PCBP3: variants seen among roughly 807,000 people sequenced by gnomAD.
The protein encoded by PCBP3 is poly(rC)-binding protein 3.
Under a neutral mutation model 52.7 loss-of-function variants are expected in PCBP3, and 25 were observed. The observed-to-expected ratio is 0.47, with a 90% CI of 0.35 to 0.66. The LOEUF is 0.66. PCBP3 is among the 30% of genes least tolerant of loss of function. The pLI, the probability that PCBP3 is intolerant of heterozygous loss-of-function variation, is 0.01. For synonymous variants in PCBP3, 162 were observed against 183.0 expected, an observed-to-expected ratio of 0.89 and a Z score of 0.93; for missense variants, 391 against 490.3, an observed-to-expected ratio of 0.80 and a Z score of 1.91.
intron 2 of PCBP3, among the ~76,000 whole-genome samples, chr21:45,674,868 T>A (rs1341063552): frequency 6.6e-6 from 1 of 152,074 alleles, no homozygotes; most frequent in Non-Finnish European, 1.5e-5. Flanking sequence ...GGAACAGGGA[T>A]CCAGCCCCAC....
chr21:45,790,939 TTTTG>T (rs2091501793), intron 4 of PCBP3, among the ~76,000 whole-genome samples: 4 of 151,850 alleles, frequency 2.6e-5, no homozygotes, highest in Admixed American at 2.6e-4. Context: ...AGGAAGCCAG[TTTTG>T]AGAGTGGAAG....
At chr21:45,756,250 G>C (rs1251860211) in intron 4 of PCBP3, among the ~76,000 whole-genome samples, 1 of 152,142 alleles carries the variant, frequency 6.6e-6, no homozygotes, top group Non-Finnish European at 1.5e-5. Context: ...GATCTGTGCT[G>C]GCATCTGTCT....
chr21:45,672,797 G>A (rs1031137124), intron 2 of PCBP3, among the ~76,000 whole-genome samples: 1 of 152,094 alleles, frequency 6.6e-6, no homozygotes, highest in African/African-American at 2.4e-5. Context: ...TCTTACTCTT[G>A]GGGAGCAGAG....
In PCBP3 at chr21:45,788,436, A is replaced by T. The variant is rs1383296944; in HGVS notation, c.-126+32984A>T. ...GCCCGGCCCCGTTCTGTTCCAGATG[A>T]TGGCTCACCTGTGACCCTGCCTGCC... On this transcript the variant is annotated intron_variant, in intron 4 of 17. Transcript: ENST00000681687. The surrounding 1 kb of genome is among the most constrained non-coding windows in gnomAD (Gnocchi z 4.3). 6.5e-6 allele frequency: 1 copy of T among 153,544 alleles called. No individual in the cohort carries two copies. Among genetic ancestry groups the T allele is most frequent in the Non-Finnish European group, 1.4e-5 (1 of 69,288 alleles). The allele number at this position is 153,544 out of a possible 1,614,324, so 9.5% of individuals were successfully genotyped here. A position where few individuals can be genotyped will look rare whatever the true frequency, so the allele number is the denominator to read the frequency against.
At chr21:45,793,352 G>C in intron 4 of PCBP3, among the ~76,000 whole-genome samples, 1 of 152,064 alleles carries the variant, frequency 6.6e-6, no homozygotes, top group Non-Finnish European at 1.5e-5. Flanking sequence ...AGCTATTCCC[G>C]AGCACAGACC....
rs759615067 is a variant in PCBP3 at position 45,899,628 on chromosome 21, T to G, written c.189+6T>G. ...TTGGAAGCATCATCGGGAAGGTAAT[T>G]ATTGATTGAATCTCTGCCTCTCCTG... On this transcript the variant is annotated splice_donor_region_variant and intron_variant, in intron 7 of 17. Transcript: ENST00000681687. 1.9e-6 allele frequency: 3 copies of G among 1,606,776 alleles called. No individual in the cohort carries two copies. In the African/African-American group the frequency reaches 4.0e-5, roughly 22 times the overall value.
At chr21:45,799,348 C>A (rs2092190695) in intron 4 of PCBP3, among the ~76,000 whole-genome samples, 1 of 152,110 alleles carries the variant, frequency 6.6e-6, no homozygotes, top group African/African-American at 2.4e-5. Flanking sequence ...TTCAGTCACC[C>A]ATGGTACAGT....
intron 3 of PCBP3, among the ~76,000 whole-genome samples, chr21:45,744,647 A>G (rs915398153): frequency 6.6e-6 from 1 of 152,162 alleles, no homozygotes; most frequent in Non-Finnish European, 1.5e-5. Flanking sequence ...TCATTTTAGC[A>G]TACATTATAA....
intron 2 of PCBP3, among the ~76,000 whole-genome samples, chr21:45,726,415 G>A (rs940931010): frequency 6.6e-6 from 1 of 152,112 alleles, no homozygotes; most frequent in African/African-American, 2.4e-5. Context: ...TGTGGCTGGA[G>A]CCCAGAAGAG....
intron 4 of PCBP3, among the ~76,000 whole-genome samples, chr21:45,840,202 C>T (rs1291457880): frequency 6.6e-6 from 1 of 151,382 alleles, no homozygotes; most frequent in Non-Finnish European, 1.5e-5. Flanking sequence ...CCTGTAATCC[C>T]AGCACTTTGG....
In PCBP3 at chr21:45,850,097, T is replaced by C; in HGVS notation, c.10+2T>C. On this transcript the variant is annotated splice_donor_variant, in intron 5 of 17. Transcript: ENST00000681687. LOFTEE classifies it high-confidence loss of function. The stretch of plus-strand genomic sequence containing the variant: ...CTTATAGCCTGCTTATGGGGGAAGG[T>C]GAGTTACTGTCTTTTGTTTCCATGT... 1.3e-6 allele frequency: 2 copies of C among 1,550,198 alleles called. 1 individual carries two copies. Among genetic ancestry groups the C allele is most frequent in the South Asian group, 2.4e-5 (2 of 84,032 alleles).
chr21:45,873,393 C>A (rs1389143804), intron 5 of PCBP3: 1 of 152,188 alleles, frequency 6.6e-6, no homozygotes, highest in Non-Finnish European at 1.5e-5. Flanking sequence ...TCAGTTGACC[C>A]AAACAAAATC....
At chr21:45,878,853 C>A (rs2095333036) in intron 5 of PCBP3, among the ~76,000 whole-genome samples, 1 of 152,332 alleles carries the variant, frequency 6.6e-6, no homozygotes, top group Non-Finnish European at 1.5e-5. Context: ...ACACACCAAC[C>A]TGGGATCCTT....
At position 45,825,971 on chromosome 21, in the gene PCBP3, G is replaced by GA. The variant is rs11445557; in HGVS notation, c.-125-23987dup. On this transcript the variant is annotated intron_variant, in intron 4 of 17. Transcript: ENST00000681687. Reference sequence around the variant, plus strand: ...AAGAAAAAAATATATAACTAAAGAGGAAAGAAAAAAGCAGTGAGGGCGGGG... The same window carrying GA: ...AAGAAAAAAATATATAACTAAAGAGGAAAAGAAAAAAGCAGTGAGGGCGGGG... Among the ~76,000 whole-genome samples, 353 of 152,200 alleles carry GA rather than the reference G, an allele frequency of 2.3e-3. 6 individuals are homozygous for GA. Among genetic ancestry groups the GA allele is most frequent in the African/African-American group, 7.9e-3 (328 of 41,528 alleles).
chr21:45,729,276 G>A (rs2085282721), intron 2 of PCBP3, among the ~76,000 whole-genome samples: 1 of 152,184 alleles, frequency 6.6e-6, no homozygotes, highest in African/African-American at 2.4e-5. Context: ...CTCCACTGAT[G>A]CCTGTACCAG....
At chr21:45,825,152 C>A (rs2093273817) in intron 4 of PCBP3, among the ~76,000 whole-genome samples, 1 of 152,066 alleles carries the variant, frequency 6.6e-6, no homozygotes, top group Non-Finnish European at 1.5e-5. Context: ...GATGCCAAGC[C>A]CTTGCTCTGA....
intron 5 of PCBP3, 64 bp downstream of exon 5, chr21:45,850,159 A>T (rs909005250): frequency 1.2e-5 from 16 of 1,334,656 alleles, no homozygotes; most frequent in Non-Finnish European, 1.6e-5. Context: ...ACAAAGTCAG[A>T]CTTACCCTTG....
Position 45,802,353 on chromosome 21 carries a change from T to C in PCBP3, c.-126+46901T>C, listed in dbSNP as rs1300160249. Among the ~76,000 whole-genome samples, 1 of 152,156 alleles carries C rather than the reference T, an allele frequency of 6.6e-6. No individual in the cohort carries two copies. Among genetic ancestry groups the C allele is most frequent in the African/African-American group, 2.4e-5 (1 of 41,434 alleles). On this transcript the variant is annotated intron_variant, in intron 4 of 17. Coordinates refer to ENST00000681687, the MANE Select transcript of PCBP3 (RefSeq NM_001384156.1). This position sits in a 1 kb window ranked among gnomAD's most constrained non-coding sequence, Gnocchi z 5.1. Reference sequence around the variant, plus strand: ...GTCCTGTCTTCCATGGTCAGGATGCTCTTTCAAGACAGCCCTGATGGCATC... The same window carrying C: ...GTCCTGTCTTCCATGGTCAGGATGCCCTTTCAAGACAGCCCTGATGGCATC...
intron 4 of PCBP3, chr21:45,759,884 GA>G: frequency 6.6e-6 from 1 of 152,284 alleles, no homozygotes; most frequent in South Asian, 2.1e-4. Flanking sequence ...TTAACAGAGA[GA>G]AAAGACATTG....
Sources: gnomAD v4.1 joint callset for allele counts (sites outside exome capture counted in the v4.1 genomes callset) on GRCh38, gnomAD v4.1.1 for gene constraint, Gnocchi (gnomAD v3.1) non-coding constraint, MANE v1.5 for transcripts, NCBI Gene and HGNC (gene_info 2026-07-23, HGNC 2026-07-21) for gene names.